The following PPP3CC variants were observed in gnomAD, a reference collection of about 807,000 sequenced individuals.
PPP3CC encodes serine/threonine-protein phosphatase 2B catalytic subunit gamma isoform.
In PPP3CC, 35 loss-of-function variants were observed where a neutral mutation model predicts 60.3. That is an observed-to-expected ratio of 0.58 (90% CI 0.44 to 0.77). PPP3CC has a LOEUF of 0.77. Ranked by LOEUF, PPP3CC falls within the 30% of genes least tolerant of loss-of-function variation. PPP3CC has a pLI of 0.00. For synonymous variants in PPP3CC, 206 were observed against 224.3 expected (o/e 0.92, Z 0.73); for missense variants, 570 against 628.9 (o/e 0.91, Z 1.00).
Position 22,525,454 on chromosome 8 carries a change from CTCTT to C in PPP3CC, c.944-1932_944-1929del, listed in dbSNP as rs200350388. On this transcript the variant is annotated intron_variant, in intron 8 of 13. Coordinates refer to ENST00000240139, the MANE Select transcript of PPP3CC (RefSeq NM_005605.5). ...TTTTCTTTTCTCTCTCTTTCTCTCT[CTCTT>C]TCTTTTCTTTCTTTTTCTTTCTGCT... 2.9e-3 allele frequency among the ~76,000 whole-genome samples: 438 copies of C among 150,366 alleles called. 1 individual carries two copies. The highest frequency in any genetic ancestry group is 0.01 in the African/African-American group (410 of 40,462).
intron 3 of PPP3CC, among the ~76,000 whole-genome samples, chr8:22,497,154 C>G (rs921108356): frequency 1.3e-5 from 2 of 152,112 alleles, no homozygotes; most frequent in Non-Finnish European, 2.9e-5. Flanking sequence ...CTCAGCCTCC[C>G]GAGTAGCTGG....
Position 22,494,577 on chromosome 8 carries a change from G to A in PPP3CC, c.373-3424G>A, listed in dbSNP as rs143492021. Among the ~76,000 whole-genome samples the A allele has an allele frequency of 1.5e-3, 225 of 152,268 alleles. 3 individuals carry two copies. Among genetic ancestry groups the A allele is most frequent in the African/African-American group, 5.2e-3 (214 of 41,544 alleles). On this transcript the variant is annotated intron_variant, in intron 3 of 13. Coordinates refer to ENST00000240139, the MANE Select transcript of PPP3CC (RefSeq NM_005605.5). ...TTGATTATCATCATTCATGCGTTCT[G>A]TATTTGTGGATATGCCTATGTCTCC...
At chr8:22,475,423 C>T in intron 2 of PPP3CC, 77 bp from the exon 3 acceptor site, 1 of 1,453,322 alleles carries the variant, frequency 6.9e-7, no homozygotes, top group Non-Finnish European at 9.3e-7. Flanking sequence ...AGAAGTTAAA[C>T]TGTGATCCCT....
intron 9 of PPP3CC, 35 bp from the exon 10 acceptor site, chr8:22,528,471 A>G (rs774422017): frequency 1.4e-6 from 2 of 1,404,608 alleles, no homozygotes; most frequent in Admixed American, 2.1e-5. Context: ...TACCTCATTA[A>G]TCGCGTAAAT....
chr8:22,514,282 A>G (rs1443512413), intron 6 of PPP3CC, among the ~76,000 whole-genome samples: 2 of 151,452 alleles, frequency 1.3e-5, no homozygotes, highest in African/African-American at 4.8e-5. Context: ...GGAAGACATA[A>G]GAGAAGTTGG....
intron 1 of PPP3CC, among the ~76,000 whole-genome samples, chr8:22,457,091 T>G: frequency 7.6e-6 from 1 of 131,594 alleles, no homozygotes; most frequent in African/African-American, 2.8e-5. Flanking sequence ...CCCTCCTTCC[T>G]TCCCTCCTTC....
intron 1 of PPP3CC, among the ~76,000 whole-genome samples, chr8:22,450,561 C>A (rs1836981722): frequency 6.6e-6 from 1 of 152,168 alleles, no homozygotes; most frequent in African/African-American, 2.4e-5. Flanking sequence ...ATTCTCACAC[C>A]TTTTGCTTGT....
In PPP3CC at chr8:22,531,957, A is replaced by G. The variant is rs115390808; in HGVS notation, c.1142-268A>G. Among the ~76,000 whole-genome samples the G allele has an allele frequency of 3.2e-3, 484 of 152,334 alleles. 3 individuals carry two copies. Among genetic ancestry groups the G allele is most frequent in the African/African-American group, 0.011 (459 of 41,578 alleles). ...TTGCTGTGCTCTACGTTTCACAACC[A>G]CAAATAAGTTCCTACCTCTCATAGA... On this transcript the variant is annotated intron_variant, in intron 10 of 13. Transcript: ENST00000240139.
intron 1 of PPP3CC, among the ~76,000 whole-genome samples, chr8:22,453,593 A>G (rs1427508753): frequency 6.6e-6 from 1 of 152,152 alleles, no homozygotes; most frequent in Non-Finnish European, 1.5e-5. Flanking sequence ...GGTTGAAAAC[A>G]TTTGCATATA....
chr8:22,441,402 A>G lies in PPP3CC; in HGVS notation c.-8A>G. On this transcript the variant is annotated 5_prime_UTR_variant, in exon 1 of 14. Transcript: ENST00000240139. The stretch of plus-strand genomic sequence containing the variant: ...GGCTCCTGGAGCCTGGAGGAGGCCG[A>G]GGGGACCATGTCCGGGAGGCGCTTC... 6.5e-7 allele frequency: 1 copy of G among 1,540,396 alleles called. No homozygotes were observed. Among genetic ancestry groups the G allele is most frequent in the Non-Finnish European group, 8.7e-7 (1 of 1,143,844 alleles).
chr8:22,481,277 G>A, intron 3 of PPP3CC, among the ~76,000 whole-genome samples: 1 of 151,970 alleles, frequency 6.6e-6, no homozygotes, highest in Non-Finnish European at 1.5e-5. Context: ...AGAGGTTGCA[G>A]TGAGCCAAGA....
chr8:22,500,857 G>A (rs548860373), intron 4 of PPP3CC, among the ~76,000 whole-genome samples: 1 of 152,278 alleles, frequency 6.6e-6, no homozygotes, highest in African/African-American at 2.4e-5. Flanking sequence ...GTTGGTGGAT[G>A]TTTAAATTGG....
At chr8:22,490,560 G>A (rs919466581) in intron 3 of PPP3CC, among the ~76,000 whole-genome samples, 7 of 151,538 alleles carry the variant, frequency 4.6e-5, no homozygotes, top group African/African-American at 1.2e-4. Flanking sequence ...CCATTAACTC[G>A]TCATTTACAT....
intron 4 of PPP3CC, among the ~76,000 whole-genome samples, chr8:22,509,090 A>G (rs1376292677): frequency 1.3e-5 from 2 of 152,190 alleles, no homozygotes; most frequent in African/African-American, 4.8e-5. Context: ...TTAAAGAGAA[A>G]TCTTCACACT....
At chr8:22,464,976 C>CT (rs59235298) in intron 1 of PPP3CC, among the ~76,000 whole-genome samples, 7,390 of 135,212 alleles carry the variant, frequency 0.055, 217 homozygotes, top group South Asian at 0.079. Flanking sequence ...TAGACTCTCC[C>CT]TTTTTTTTTT....
At chr8:22,489,549 T>A (rs1188465700) in intron 3 of PPP3CC, among the ~76,000 whole-genome samples, 1 of 146,490 alleles carries the variant, frequency 6.8e-6, no homozygotes, top group African/African-American at 2.5e-5. Flanking sequence ...CTGTATTTTC[T>A]AGTGAGAGGT....
chr8:22,519,432 A>G (rs1172114476), intron 6 of PPP3CC, among the ~76,000 whole-genome samples: 3 of 152,058 alleles, frequency 2.0e-5, no homozygotes, highest in African/African-American at 7.2e-5. Context: ...TGGTTCTACT[A>G]TTCCTCTCTT....
At position 22,457,063 on chromosome 8, in the gene PPP3CC, CTCCCTCCCTCCT is replaced by C. The variant is rs1376259341; in HGVS notation, c.49+15621_49+15632del. On this transcript the variant is annotated intron_variant, in intron 1 of 13. Transcript: ENST00000240139. ...TCCCTCCCTTCCTTCCCCTCCCTCC[CTCCCTCCCTCCT>C]TCCCTCCCTCCTTCCTTCCCTCCTT... Among the ~76,000 whole-genome samples, 2 of 125,238 alleles carry C rather than the reference CTCCCTCCCTCCT, an allele frequency of 1.6e-5. 1 individual carries two copies. Among genetic ancestry groups the C allele is most frequent in the Non-Finnish European group, 3.4e-5 (2 of 58,788 alleles). The allele number at this position is 125,238 out of a possible 152,430, so 82.2% of individuals were successfully genotyped here. A position where few individuals can be genotyped will look rare whatever the true frequency, so the allele number is the denominator to read the frequency against.
At chr8:22,498,717 C>T (rs1337945200) in intron 4 of PPP3CC, among the ~76,000 whole-genome samples, 1 of 152,068 alleles carries the variant, frequency 6.6e-6, no homozygotes, top group Non-Finnish European at 1.5e-5. Flanking sequence ...TTAAAGTATT[C>T]CATCTTACGA....
Sources: gnomAD v4.1 joint callset for allele counts (sites outside exome capture counted in the v4.1 genomes callset) on GRCh38, gnomAD v4.1.1 for gene constraint, MANE v1.5 for transcripts, NCBI Gene and HGNC (gene_info 2026-07-23, HGNC 2026-07-21) for gene names.